The following PRKG1 variants were observed in gnomAD, a reference collection of about 807,000 sequenced individuals.
The protein encoded by PRKG1 is cGMP-dependent protein kinase 1.
PRKG1 carries 35 observed loss-of-function variants against 88.1 expected under a neutral mutation model. The ratio of observed to expected loss-of-function variants is 0.40; its 90% CI spans 0.30 to 0.53. The LOEUF is 0.53. Among genes scored for constraint, PRKG1 ranks in the 20% least tolerant of loss-of-function variants. The pLI is 0.59. For missense variants in PRKG1, 540 were observed against 839.8 expected (o/e 0.64, Z 4.41); for synonymous variants, 303 against 292.5 (o/e 1.04, Z -0.37).
In PRKG1 at chr10:51,474,149, CCCCCA is replaced by C. The variant is rs1840128699; in HGVS notation, c.592+6314_592+6318del. 3.3e-5 allele frequency among the ~76,000 whole-genome samples: 5 copies of C among 151,810 alleles called. No individual in the cohort carries two copies. In the South Asian group the frequency reaches 1.0e-3, roughly 31 times the overall value. ...GCTTTAGGGATGGGTGTTGTTGTTACCCCCATTTTATTGCAAAAGCAACTAAGACC... is the reference window on the plus strand; with the variant it reads ...GCTTTAGGGATGGGTGTTGTTGTTACTTTTATTGCAAAAGCAACTAAGACC... On this transcript the variant is annotated intron_variant, in intron 3 of 17. Transcript: ENST00000373980.
In PRKG1 at chr10:51,074,790, C is replaced by T. The variant is rs747494798; in HGVS notation, c.200C>T (p.Thr67Ile). ...TQQAQKQSASTLQGEPRTKRQ... is the reference protein window; with the variant it reads ...TQQAQKQSASILQGEPRTKRQ... ...CAGGCGCAGAAGCAGAGCGCGAGCA[C>T]CTTGCAGGGCGAGCCGCGCACCAAG... The change falls in exon 1 of 18, where the codon ACC becomes ATC. Residue 67 changes from threonine to isoleucine, a missense_variant. Physicochemically the swap from Thr to Ile is moderately conservative, Grantham distance 89. This residue lies in a region of PRKG1 where 400 missense variants were observed against 562.7 expected (regional missense o/e 0.71). Coordinates refer to ENST00000373980, the MANE Select transcript of PRKG1 (RefSeq NM_006258.4). 5.6e-6 allele frequency: 9 copies of T among 1,613,856 alleles called. No homozygotes were observed. Among genetic ancestry groups the T allele is most frequent in the East Asian group, 2.2e-5 (1 of 44,878 alleles).
intron 2 of PRKG1, among the ~76,000 whole-genome samples, chr10:51,258,142 C>T (rs16915940): frequency 0.038 from 5,769 of 152,146 alleles, 354 homozygotes; most frequent in African/African-American, 0.13. Flanking sequence ...TATGTGACTT[C>T]TGTGTAAGGC....
intron 3 of PRKG1, among the ~76,000 whole-genome samples, chr10:51,564,916 G>A (rs563403552): frequency 6.6e-6 from 1 of 152,034 alleles, no homozygotes; most frequent in Non-Finnish European, 1.5e-5. Context: ...CTGTCTTCAT[G>A]CTTTGTGGAG....
At chr10:52,113,622 A>G (rs1268861598) in intron 7 of PRKG1, among the ~76,000 whole-genome samples, 2 of 152,136 alleles carry the variant, frequency 1.3e-5, no homozygotes, top group African/African-American at 2.4e-5. Flanking sequence ...AGGTCACAAT[A>G]CTAGACAGCT....
At chr10:51,165,958 GC>G (rs1007724231) in intron 2 of PRKG1, among the ~76,000 whole-genome samples, 1 of 151,608 alleles carries the variant, frequency 6.6e-6, no homozygotes, top group African/African-American at 2.4e-5. Context: ...TTCACTTAAA[GC>G]CATTCACACA....
chr10:51,828,512 T>C (rs1839931216), intron 4 of PRKG1, among the ~76,000 whole-genome samples: 1 of 152,132 alleles, frequency 6.6e-6, no homozygotes, highest in African/African-American at 2.4e-5. Context: ...GAAGTGGTAG[T>C]CACCACTTTA....
intron 5 of PRKG1, among the ~76,000 whole-genome samples, chr10:51,988,397 A>G (rs1028377301): frequency 1.3e-5 from 2 of 152,038 alleles, no homozygotes; most frequent in African/African-American, 4.8e-5. Flanking sequence ...GTACTTGTAT[A>G]TGATTAAGTG....
intron 5 of PRKG1, among the ~76,000 whole-genome samples, chr10:52,034,008 A>G (rs1845539182): frequency 6.6e-6 from 1 of 151,688 alleles, no homozygotes; most frequent in Non-Finnish European, 1.5e-5. Context: ...GAGCCAGGAA[A>G]AGGACTTTCA....
intron 2 of PRKG1, among the ~76,000 whole-genome samples, chr10:51,261,768 G>T (rs2132160363): frequency 6.6e-6 from 1 of 152,102 alleles, no homozygotes; most frequent in East Asian, 1.9e-4. Flanking sequence ...GTATGTGACT[G>T]AAGGTGGGGA....
At chr10:51,054,028 C>T (rs1270582686) in intron 1 of PRKG1, among the ~76,000 whole-genome samples, 1 of 151,952 alleles carries the variant, frequency 6.6e-6, no homozygotes, top group Non-Finnish European at 1.5e-5. Context: ...TATGTGAAAC[C>T]AGCCTTTACA....
chr10:51,263,630 T>G (rs1839770044), intron 2 of PRKG1, among the ~76,000 whole-genome samples: 1 of 152,254 alleles, frequency 6.6e-6, no homozygotes, highest in South Asian at 2.1e-4. Context: ...TGGACTTAAT[T>G]GTTCTTATCC....
intron 3 of PRKG1, among the ~76,000 whole-genome samples, chr10:51,653,750 C>T (rs1322314953): frequency 1.3e-5 from 2 of 151,714 alleles, no homozygotes; most frequent in Non-Finnish European, 2.9e-5. Context: ...GTGTTTTTAA[C>T]AGAGGTGGGG....
In PRKG1 at chr10:52,001,364, T is replaced by TA. The variant is rs199990338; in HGVS notation, c.763-53108dup. Among the ~76,000 whole-genome samples, 883 of 145,526 alleles carry TA rather than the reference T, an allele frequency of 6.1e-3. 5 individuals carry two copies. The highest frequency in any genetic ancestry group is 0.015 in the African/African-American group (576 of 39,052). ...AGAGATATTTCAAGTGTTCTCACCATAAAAAAAAAAAACATAACTATGTGA... is the reference window on the plus strand; with the variant it reads ...AGAGATATTTCAAGTGTTCTCACCATAAAAAAAAAAAAACATAACTATGTGA... On this transcript the variant is annotated intron_variant, in intron 5 of 17. Coordinates refer to ENST00000373980, the MANE Select transcript of PRKG1 (RefSeq NM_006258.4).
chr10:51,241,998 T>C (rs1051276311), intron 2 of PRKG1, among the ~76,000 whole-genome samples: 15 of 151,114 alleles, frequency 9.9e-5, no homozygotes, highest in Admixed American at 9.9e-4. Flanking sequence ...AAAAGATGAA[T>C]AATGTAACAG....
chr10:51,923,497 T>A (rs1238043458), intron 5 of PRKG1, among the ~76,000 whole-genome samples: 1 of 150,514 alleles, frequency 6.6e-6, no homozygotes, highest in African/African-American at 2.4e-5. Context: ...AATATTGACA[T>A]AATATGCTAA....
intron 3 of PRKG1, among the ~76,000 whole-genome samples, chr10:51,728,988 A>G (rs555237698): frequency 1.3e-5 from 2 of 152,350 alleles, no homozygotes; most frequent in South Asian, 4.1e-4. Context: ...AGTTATGATC[A>G]TCTACTATTT....
chr10:52,207,761 C>T (rs1421005797), intron 9 of PRKG1, among the ~76,000 whole-genome samples: 1 of 152,160 alleles, frequency 6.6e-6, no homozygotes, highest in Non-Finnish European at 1.5e-5. Flanking sequence ...CCCCAGGGAT[C>T]TCTGGGGGCC....
At chr10:51,637,797 G>A (rs987415952) in intron 3 of PRKG1, among the ~76,000 whole-genome samples, 2 of 152,204 alleles carry the variant, frequency 1.3e-5, no homozygotes, top group Non-Finnish European at 2.9e-5. Flanking sequence ...GAGAGCATCA[G>A]GAATAATGGC....
intron 2 of PRKG1, among the ~76,000 whole-genome samples, chr10:51,393,152 G>A (rs1445617165): frequency 1.3e-5 from 2 of 150,130 alleles, no homozygotes; most frequent in African/African-American, 4.9e-5. Context: ...CGGGGCGGCC[G>A]GGCAGAGACG....
Sources: gnomAD v4.1 joint callset for allele counts (sites outside exome capture counted in the v4.1 genomes callset) on GRCh38, gnomAD v4.1.1 for gene constraint, gnomAD v4.1.1 regional missense constraint, MANE v1.5 for transcripts, NCBI Gene and HGNC (gene_info 2026-07-23, HGNC 2026-07-21) for gene names.